The following DPP6 variants were observed in gnomAD, a reference collection of about 807,000 sequenced individuals.
DPP6 encodes A-type potassium channel modulatory protein DPP6.
A neutral mutation model predicts 122.6 loss-of-function variants in DPP6; 69 were observed. The observed-to-expected ratio is 0.56, with a 90% CI of 0.46 to 0.69. The LOEUF (loss-of-function observed/expected upper bound fraction) is 0.69. Ranked by LOEUF, DPP6 falls within the 30% of genes least tolerant of loss-of-function variation. The pLI, the probability that DPP6 is intolerant of heterozygous loss-of-function variation, is 0.00. For missense variants in DPP6, 928 were observed against 1,116.9 expected, an observed-to-expected ratio of 0.83 and a Z score of 2.41; for synonymous variants, 418 against 433.1, an observed-to-expected ratio of 0.97 and a Z score of 0.43.
chr7:154,245,833 C>T lies in DPP6; in HGVS notation c.243+192770C>T, dbSNP rs539362818. ...AAAAACTGACAGAACTCAATAAATT[C>T]GCAGATATTTGGATATTCTAACATT... On this transcript the variant is annotated intron_variant, in intron 1 of 25. Coordinates refer to ENST00000377770, the MANE Select transcript of DPP6 (RefSeq NM_130797.4). Among the ~76,000 whole-genome samples the T allele has an allele frequency of 1.2e-4, 18 of 151,944 alleles. No individual in the cohort carries two copies. The East Asian group carries it at 2.9e-3, about 25-fold the overall frequency.
rs564524909 is a variant in DPP6 at position 154,019,290 on chromosome 7, T to G, written c.51+131556T>G. ...AAATATCCTGTCTAAAGCCAGCCTC[T>G]CCTTACTCCCTTCCACCTCTGTCAA... On this transcript the variant is annotated intron_variant, in intron 1 of 25. Coordinates refer to the DPP6 transcript ENST00000404039. Among the ~76,000 whole-genome samples, 401 of 152,270 alleles carry G rather than the reference T, an allele frequency of 2.6e-3. 1 individual carries two copies. Among genetic ancestry groups the G allele is most frequent in the African/African-American group, 9.0e-3 (376 of 41,566 alleles).
chr7:153,757,567 C>T, the DPP6 span, among the ~76,000 whole-genome samples: 3 of 152,088 alleles, frequency 2.0e-5, no homozygotes, highest in East Asian at 3.9e-4. Context: ...GGGTGGGCAC[C>T]GCTCTCTGGG....
chr7:154,080,405 C>G (rs1803903785), intron 1 of DPP6, among the ~76,000 whole-genome samples: 1 of 152,172 alleles, frequency 6.6e-6, no homozygotes, highest in Non-Finnish European at 1.5e-5. Flanking sequence ...TCCAAGAATT[C>G]TACTTTATTT....
intron 1 of DPP6, among the ~76,000 whole-genome samples, chr7:154,405,679 G>C (rs778487243): frequency 1.3e-5 from 2 of 152,120 alleles, no homozygotes; most frequent in Non-Finnish European, 2.9e-5. Flanking sequence ...CTCTGCTCAG[G>C]GGGTGGACAG....
chr7:154,061,294 A>G (rs1379432860), intron 1 of DPP6, among the ~76,000 whole-genome samples: 1 of 148,756 alleles, frequency 6.7e-6, no homozygotes, highest in African/African-American at 2.5e-5. Flanking sequence ...TTACAAGAAA[A>G]TCTTCTGGCA....
intron 1 of DPP6, among the ~76,000 whole-genome samples, chr7:154,285,937 A>G (rs1375810893): frequency 3.3e-5 from 5 of 152,200 alleles, no homozygotes; most frequent in African/African-American, 1.2e-4. Context: ...ATGAGGTACT[A>G]CTTTTGTAAA....
chr7:154,524,313 T>A (rs1355877968), intron 3 of DPP6, among the ~76,000 whole-genome samples: 6 of 152,242 alleles, frequency 3.9e-5, no homozygotes, highest in Non-Finnish European at 8.8e-5. Flanking sequence ...TTGTCCTAAC[T>A]TTGACCATGG....
At chr7:154,050,480 AT>A (rs1800245603), upstream of DPP6, among the ~76,000 whole-genome samples, 10 of 152,184 alleles carry the variant, frequency 6.6e-5, no homozygotes, top group South Asian at 2.1e-3. Flanking sequence ...CTGCATCTAT[AT>A]TTAGTGAAAT....
chr7:154,625,217 T>TAAG (rs1834988952), intron 5 of DPP6, among the ~76,000 whole-genome samples: 1 of 152,152 alleles, frequency 6.6e-6, no homozygotes, highest in Admixed American at 6.5e-5. Flanking sequence ...GATGAAAAGT[T>TAAG]AAGGATGGAA....
chr7:154,105,133 A>G (rs1450950550), intron 1 of DPP6, among the ~76,000 whole-genome samples: 1 of 152,230 alleles, frequency 6.6e-6, no homozygotes, highest in Non-Finnish European at 1.5e-5. Flanking sequence ...TCTAAAAAAC[A>G]AAACCAAAAA....
intron 1 of DPP6, among the ~76,000 whole-genome samples, chr7:154,431,766 C>G (rs541974866): frequency 6.6e-6 from 1 of 152,052 alleles, no homozygotes; most frequent in Non-Finnish European, 1.5e-5. Flanking sequence ...AACTCCTGAC[C>G]TCGTGATCCG....
At chr7:154,414,026 T>C (rs575880305) in intron 1 of DPP6, among the ~76,000 whole-genome samples, 7 of 152,310 alleles carry the variant, frequency 4.6e-5, no homozygotes, top group African/African-American at 1.7e-4. Context: ...AGCCATCGTG[T>C]CCATCATTTT....
chr7:154,003,325 G>GA (rs1264906528), intron 1 of DPP6, among the ~76,000 whole-genome samples: 7 of 151,820 alleles, frequency 4.6e-5, no homozygotes, highest in Admixed American at 1.3e-4. Flanking sequence ...AGGATGGAAG[G>GA]AAAAAAAATG....
At chr7:154,654,190 T>A (rs1351162497) in intron 6 of DPP6, among the ~76,000 whole-genome samples, 1 of 152,090 alleles carries the variant, frequency 6.6e-6, no homozygotes, top group Non-Finnish European at 1.5e-5. Flanking sequence ...GACTTGAGCA[T>A]CTGTGGATTT....
intron 7 of DPP6, among the ~76,000 whole-genome samples, chr7:154,697,316 C>T (rs1264346331): frequency 6.6e-6 from 1 of 152,186 alleles, no homozygotes; most frequent in Non-Finnish European, 1.5e-5. Context: ...CAGAACCTGC[C>T]CACGAGAAGT....
At chr7:154,872,569 A>G (rs1804486578) in intron 18 of DPP6, 55 bp from the exon 19 acceptor site, 3 of 1,554,046 alleles carry the variant, frequency 1.9e-6, no homozygotes, top group South Asian at 1.2e-5. Context: ...GGCATGCCCG[A>G]TACCCCGTGG....
the DPP6 span, among the ~76,000 whole-genome samples, chr7:153,789,635 T>C: frequency 6.6e-6 from 1 of 152,300 alleles, no homozygotes; most frequent in African/African-American, 2.4e-5. Flanking sequence ...AGCTTTTGTA[T>C]TGATGAGAGA....
chr7:154,163,258 T>C (rs2150711794), intron 1 of DPP6, among the ~76,000 whole-genome samples: 1 of 152,232 alleles, frequency 6.6e-6, no homozygotes, highest in East Asian at 1.9e-4. Context: ...GCGTTGCTAG[T>C]GTTGAGTAGA....
At chr7:153,841,021 A>C in the DPP6 span, among the ~76,000 whole-genome samples, 1 of 152,202 alleles carries the variant, frequency 6.6e-6, no homozygotes, top group African/African-American at 2.4e-5. Flanking sequence ...CTTCCTGTGA[A>C]GAAAAACCAG....
Sources: allele counts gnomAD v4.1 joint callset (sites outside exome capture counted in the v4.1 genomes callset), GRCh38; gene constraint gnomAD v4.1.1; transcripts MANE v1.5; gene names NCBI Gene and HGNC (gene_info 2026-07-23, HGNC 2026-07-21).